The following TP53BP1 variants were observed in gnomAD, a reference collection of about 807,000 sequenced individuals.
TP53BP1 encodes TP53-binding protein 1.
A neutral mutation model predicts 200.8 loss-of-function variants in TP53BP1; 61 were observed. That is an observed-to-expected ratio of 0.30 (90% CI 0.25 to 0.38). TP53BP1 has a LOEUF of 0.38. TP53BP1 is among the 10% of genes least tolerant of loss of function. TP53BP1 has a pLI of 1.00. For missense variants in TP53BP1, 2,144 were observed against 2,371.9 expected, an observed-to-expected ratio of 0.90 and a Z score of 2.00; for synonymous variants, 822 against 844.3, an observed-to-expected ratio of 0.97 and a Z score of 0.46.
chr15:43,447,313 G>C lies in TP53BP1; in HGVS notation c.2836+53C>G, dbSNP rs35361241. The C allele has an allele frequency of 2.0e-3, 3,093 of 1,552,406 alleles. 45 individuals carry two copies. In the African/African-American group the frequency reaches 0.038, roughly 19 times the overall value. On this transcript the variant is annotated intron_variant, in intron 13 of 27. Transcript: ENST00000382044. Reference sequence around the variant, plus strand: ...AGATCTAAAATATCACTTGTGTAGAGAATGATATCTCAGAAATTCTGCCTT... The same window carrying C: ...AGATCTAAAATATCACTTGTGTAGACAATGATATCTCAGAAATTCTGCCTT...
At chr15:43,451,290 C>A (rs925197698) in intron 12 of TP53BP1, among the ~76,000 whole-genome samples, 2 of 151,950 alleles carry the variant, frequency 1.3e-5, no homozygotes, top group Non-Finnish European at 2.9e-5. Flanking sequence ...CCCATCAACT[C>A]GTCATTTAGC....
chr15:43,411,897 G>C (rs2045126445), intron 24 of TP53BP1, among the ~76,000 whole-genome samples: 1 of 152,040 alleles, frequency 6.6e-6, no homozygotes, highest in Non-Finnish European at 1.5e-5. Flanking sequence ...TGAAGTCCTG[G>C]TTTCAAGTCC....
At chr15:43,499,413 T>C (rs541334912) in intron 1 of TP53BP1, among the ~76,000 whole-genome samples, 182 of 152,200 alleles carry the variant, frequency 1.2e-3, no homozygotes, top group Middle Eastern at 3.4e-3. Context: ...GAACCTCAAA[T>C]AAAATTTAAA....
chr15:43,414,157 A>C (rs774736786), intron 23 of TP53BP1: 8 of 467,706 alleles, frequency 1.7e-5, no homozygotes, highest in Middle Eastern at 3.2e-4. Context: ...CTCAGAGGCA[A>C]TATGACGTTA....
At chr15:43,496,966 T>A (rs2079185842), upstream of TP53BP1, among the ~76,000 whole-genome samples, 1 of 152,196 alleles carries the variant, frequency 6.6e-6, no homozygotes, top group African/African-American at 2.4e-5. Flanking sequence ...CATCCAAGTA[T>A]CATCTCCTGT....
At chr15:43,479,237 CATAA>C (rs763363410) in intron 7 of TP53BP1, among the ~76,000 whole-genome samples, 156 bp downstream of exon 7, 6 of 152,134 alleles carry the variant, frequency 3.9e-5, no homozygotes, top group Non-Finnish European at 5.9e-5. Flanking sequence ...CTTGAGACTT[CATAA>C]ATAATCAACG....
chr15:43,475,472 C>T, intron 9 of TP53BP1, 93 bp downstream of exon 9: 1 of 1,449,694 alleles, frequency 6.9e-7, no homozygotes, highest in Non-Finnish European at 9.4e-7. Flanking sequence ...AAAAAGAATT[C>T]TAGACTAGCA....
intron 8 of TP53BP1, among the ~76,000 whole-genome samples, chr15:43,476,268 AAAAT>A (rs1199779059): frequency 6.6e-6 from 1 of 152,172 alleles, no homozygotes; most frequent in African/African-American, 2.4e-5. Flanking sequence ...CCGTCTCAAA[AAAAT>A]AAATAAATAA....
In TP53BP1 at chr15:43,441,513, C is replaced by A. The variant is rs749317322; in HGVS notation, c.3098+13G>T. On this transcript the variant is annotated intron_variant, in intron 15 of 27. Coordinates refer to ENST00000382044, the MANE Select transcript of TP53BP1 (RefSeq NM_001141980.3). ...TGTGTATTAAACTCTAAATAGCATCCAGCTTTGGTTACCTGGCAACAGACT... is the reference window on the plus strand; with the variant it reads ...TGTGTATTAAACTCTAAATAGCATCAAGCTTTGGTTACCTGGCAACAGACT... 2.5e-6 allele frequency: 4 copies of A among 1,596,606 alleles called. No individual in the cohort carries two copies. The highest frequency in any genetic ancestry group is 3.4e-6 in the Non-Finnish European group (4 of 1,164,366).
intron 11 of TP53BP1, among the ~76,000 whole-genome samples, chr15:43,459,411 T>C (rs1233372840): frequency 1.3e-5 from 2 of 152,214 alleles, no homozygotes; most frequent in African/African-American, 2.4e-5. Context: ...TATTCACTCA[T>C]ATAATGGTCA....
At chr15:43,416,562 G>T in intron 21 of TP53BP1, 146 bp from the exon 22 acceptor site, 1 of 667,874 alleles carries the variant, frequency 1.5e-6, no homozygotes, top group Non-Finnish European at 2.5e-6. Flanking sequence ...AATTCCAGTT[G>T]TCAATCCCAA....
In TP53BP1 at chr15:43,405,462, T is replaced by C; in HGVS notation, c.*1921A>G. 1 of 569,882 alleles carries C rather than the reference T, an allele frequency of 1.8e-6. No homozygotes were observed. Among genetic ancestry groups the C allele is most frequent in the South Asian group, 2.3e-5 (1 of 44,376 alleles). The allele number at this position is 569,882 out of a possible 1,614,324, so 35.3% of individuals were successfully genotyped here. A position where few individuals can be genotyped will look rare whatever the true frequency, so the allele number is the denominator to read the frequency against. The stretch of plus-strand genomic sequence containing the variant: ...TGATCCTTTACATTGAGAACATTTG[T>C]TGGATATGTTCATTTATTCAATAGT... On this transcript the variant is annotated 3_prime_UTR_variant, in exon 28 of 28. Transcript: ENST00000382044.
chr15:43,509,501 C>A (rs1046749027), intron 1 of TP53BP1, among the ~76,000 whole-genome samples: 1 of 152,148 alleles, frequency 6.6e-6, no homozygotes, highest in African/African-American at 2.4e-5. Context: ...CTTCGCCTCC[C>A]GGGTTCAAGT....
chr15:43,463,257 T>C (rs1566949888), intron 11 of TP53BP1, among the ~76,000 whole-genome samples: 1 of 152,144 alleles, frequency 6.6e-6, no homozygotes, highest in Non-Finnish European at 1.5e-5. Flanking sequence ...CCCTCATATC[T>C]TGGTAAAGGG....
rs555024415 is a variant in TP53BP1 at position 43,406,102 on chromosome 15, T to C, written c.*1281A>G. 3 of 139,876 alleles carry C rather than the reference T, an allele frequency of 2.1e-5. No individual in the cohort carries two copies. The highest frequency in any genetic ancestry group is 2.1e-4 in the East Asian group (1 of 4,732). The allele number at this position is 139,876 out of a possible 1,614,324, so 8.7% of individuals were successfully genotyped here. On this transcript the variant is annotated 3_prime_UTR_variant, in exon 28 of 28. Coordinates refer to ENST00000382044, the MANE Select transcript of TP53BP1 (RefSeq NM_001141980.3). ...CAAGAAAAAGGTCCTTAAGAAAAAA[T>C]TGAGATCAAGTTGTTAGATTTTTAA...
At chr15:43,495,741 C>A (rs1327519343), upstream of TP53BP1, among the ~76,000 whole-genome samples, 1 of 150,082 alleles carries the variant, frequency 6.7e-6, no homozygotes, top group African/African-American at 2.5e-5. Context: ...GGCGTGAACC[C>A]GGGAGGCGGA....
chr15:43,405,156 C>A lies in TP53BP1; in HGVS notation c.*2227G>T. 1 of 1,611,036 alleles carries A rather than the reference C, an allele frequency of 6.2e-7. No homozygotes were observed. The highest frequency in any genetic ancestry group is 2.2e-5 in the East Asian group (1 of 44,848). On this transcript the variant is annotated 3_prime_UTR_variant, in exon 28 of 28. Coordinates refer to ENST00000382044, the MANE Select transcript of TP53BP1 (RefSeq NM_001141980.3). ...TGATTCATATTTCTTTGAAGGTAGT[C>A]TTGGGAAAGCATGACACTTAATAAG... is the stretch of plus-strand genomic sequence containing the variant.
In TP53BP1 at chr15:43,421,270, C is replaced by A. The variant is rs747956928; in HGVS notation, c.4101-96G>T. On this transcript the variant is annotated intron_variant, in intron 19 of 27. Transcript: ENST00000382044. ...GCCCTCAGACTACATGACAGGCCTA[C>A]ATGTGCTGAGCCTTTGGGGCAGCAG... The A allele has an allele frequency of 4.5e-6, 6 of 1,343,890 alleles. No individual in the cohort carries two copies. The Admixed American group carries it at 1.2e-4, about 26-fold the overall frequency. 83.2% of individuals were successfully genotyped at this position (1,343,890 alleles called of 1,614,324 possible).
In TP53BP1 at chr15:43,407,218, T is replaced by G; in HGVS notation, c.*165A>C. On this transcript the variant is annotated 3_prime_UTR_variant, in exon 28 of 28. Transcript: ENST00000382044. The stretch of plus-strand genomic sequence containing the variant: ...AAACAGATGAAGAAATCCCAGTTAC[T>G]ACAACCAAAGAGATTCAACATTTAT... 1.6e-6 allele frequency: 1 copy of G among 631,434 alleles called. No homozygotes were observed. 39.1% of individuals were successfully genotyped at this position (631,434 alleles called of 1,614,324 possible).
Sources: allele counts gnomAD v4.1 joint callset (sites outside exome capture counted in the v4.1 genomes callset), GRCh38; gene constraint gnomAD v4.1.1; transcripts MANE v1.5; gene names NCBI Gene and HGNC (gene_info 2026-07-23, HGNC 2026-07-21).